The following SPMIP6 variants were observed in gnomAD, a reference collection of about 807,000 sequenced individuals.
SPMIP6 encodes ciliated bronchial epithelial protein 1.
chr9:34,390,009 CTG>C, the SPMIP6 span: 2 of 151,008 alleles, frequency 1.3e-5, no homozygotes, highest in African/African-American at 2.4e-5. Context: ...CTGTAACTGA[CTG>C]TGAACAATCA....
the SPMIP6 span, chr9:34,381,104 T>G: frequency 6.2e-7 from 1 of 1,605,124 alleles, no homozygotes; most frequent in Non-Finnish European, 8.5e-7. The surrounding 1 kb of genome is among the most constrained non-coding windows in gnomAD (Gnocchi z 4.4). Flanking sequence ...CGACAGTGAG[T>G]TCAGCATGTT....
chr9:34,380,354 G>A, the SPMIP6 span, among the ~76,000 whole-genome samples: 1 of 152,210 alleles, frequency 6.6e-6, no homozygotes. Flanking sequence ...GGTGGTGCGG[G>A]ATCCGAGGAG....
At chr9:34,379,739 A>G in the SPMIP6 span, 2 of 1,612,072 alleles carry the variant, frequency 1.2e-6, no homozygotes, top group South Asian at 1.1e-5. This position sits in a 1 kb window ranked among gnomAD's most constrained non-coding sequence, Gnocchi z 4.2. Flanking sequence ...ACATCTGGAG[A>G]AGGAGGAAGC....
chr9:34,385,747 G>A, the SPMIP6 span: 53 of 1,613,574 alleles, frequency 3.3e-5, no homozygotes, highest in Non-Finnish European at 4.1e-5. Context: ...CAGGGCTTCG[G>A]GATCCACATG....
At chr9:34,394,539 T>C in the SPMIP6 span, among the ~76,000 whole-genome samples, 1 of 152,196 alleles carries the variant, frequency 6.6e-6, no homozygotes, top group Non-Finnish European at 1.5e-5. Context: ...GTCTGCAGAT[T>C]CTGTAATATG....
the SPMIP6 span, among the ~76,000 whole-genome samples, chr9:34,383,649 A>G: frequency 6.6e-6 from 1 of 152,236 alleles, no homozygotes; most frequent in Non-Finnish European, 1.5e-5. Flanking sequence ...CTATCTCTGC[A>G]GATAGACTGC....
At chr9:34,385,754 C>T in the SPMIP6 span, 2 of 1,613,724 alleles carry the variant, frequency 1.2e-6, no homozygotes, top group South Asian at 1.1e-5. Flanking sequence ...TCGGGATCCA[C>T]ATGTCGCTCC....
chr9:34,379,547 G>T, the SPMIP6 span: 11 of 1,067,094 alleles, frequency 1.0e-5, no homozygotes, highest in Admixed American at 2.0e-4. This position sits in a 1 kb window ranked among gnomAD's most constrained non-coding sequence, Gnocchi z 4.2. Context: ...AGTGCACCGC[G>T]GAGCGTTCTC....
At chr9:34,393,160 T>C in the SPMIP6 span, among the ~76,000 whole-genome samples, 1 of 152,358 alleles carries the variant, frequency 6.6e-6, no homozygotes, top group Non-Finnish European at 1.5e-5. Context: ...ATGCTCTCTT[T>C]AGAACAATGG....
At chr9:34,390,610 C>T in the SPMIP6 span, among the ~76,000 whole-genome samples, 9 of 152,186 alleles carry the variant, frequency 5.9e-5, no homozygotes, top group East Asian at 3.9e-4. Flanking sequence ...CTACCGGATA[C>T]GGTTTTCTAA....
chr9:34,384,918 A>G, the SPMIP6 span, among the ~76,000 whole-genome samples: 1 of 152,114 alleles, frequency 6.6e-6, no homozygotes, highest in Non-Finnish European at 1.5e-5. Flanking sequence ...AGAAGGTTCC[A>G]GGTTGAGGGA....
At chr9:34,389,402 A>T in the SPMIP6 span, among the ~76,000 whole-genome samples, 1 of 152,196 alleles carries the variant, frequency 6.6e-6, no homozygotes, top group Non-Finnish European at 1.5e-5. Context: ...TGGATAACTC[A>T]TCTTCTTTAA....
At chr9:34,394,523 T>C in the SPMIP6 span, among the ~76,000 whole-genome samples, 1 of 152,194 alleles carries the variant, frequency 6.6e-6, no homozygotes, top group Non-Finnish European at 1.5e-5. Context: ...GTTTATTGTT[T>C]GTTGTGTCTG....
the SPMIP6 span, chr9:34,382,776 G>C: frequency 1.7e-5 from 27 of 1,613,774 alleles, no homozygotes; most frequent in Admixed American, 1.2e-4. Flanking sequence ...AGGAAGGTAG[G>C]TGGTATACTT....
At chr9:34,381,682 T>A in the SPMIP6 span, 1 of 1,395,884 alleles carries the variant, frequency 7.2e-7, no homozygotes, top group Non-Finnish European at 9.3e-7. The surrounding 1 kb of genome is among the most constrained non-coding windows in gnomAD (Gnocchi z 4.4). Flanking sequence ...CTCCTGGGCC[T>A]GTGACAACCC....
chr9:34,390,713 G>A, the SPMIP6 span, among the ~76,000 whole-genome samples: 1 of 151,054 alleles, frequency 6.6e-6, no homozygotes, highest in South Asian at 2.1e-4. Flanking sequence ...TTTTTTTTGT[G>A]GGCTCAAGCA....
chr9:34,395,617 T>C, the SPMIP6 span, among the ~76,000 whole-genome samples: 2 of 152,216 alleles, frequency 1.3e-5, no homozygotes, highest in Non-Finnish European at 2.9e-5. Flanking sequence ...TCAAGATCTC[T>C]ATCTATAACC....
the SPMIP6 span, among the ~76,000 whole-genome samples, chr9:34,387,449 C>T: frequency 8.5e-5 from 13 of 152,186 alleles, no homozygotes; most frequent in East Asian, 3.9e-4. Flanking sequence ...ACGTGGGTGG[C>T]GGGCAGAATA....
chr9:34,383,779 A>G, the SPMIP6 span, among the ~76,000 whole-genome samples: 2 of 152,204 alleles, frequency 1.3e-5, no homozygotes, highest in Non-Finnish European at 2.9e-5. Flanking sequence ...TTTACTTCAC[A>G]GGGTTGCTGT....
Sources: gnomAD v4.1 joint callset for allele counts (sites outside exome capture counted in the v4.1 genomes callset) on GRCh38, gnomAD v4.1.1 for gene constraint, Gnocchi (gnomAD v3.1) non-coding constraint, MANE v1.5 for transcripts, NCBI Gene and HGNC (gene_info 2026-07-23, HGNC 2026-07-21) for gene names.